Variants in NUP188 observed in about 807,000 individuals in gnomAD.
The protein encoded by NUP188 is nucleoporin 188.
NUP188 carries 97 observed loss-of-function variants against 223.0 expected under a neutral mutation model. The observed-to-expected ratio is 0.43, with a 90% CI of 0.37 to 0.51. NUP188 has a LOEUF of 0.51. NUP188 is among the 20% of genes least tolerant of loss of function. The pLI, the probability that NUP188 is intolerant of heterozygous loss-of-function variation, is 0.00. For missense variants in NUP188, 1,947 were observed against 2,175.6 expected, an observed-to-expected ratio of 0.89 and a Z score of 2.09; for synonymous variants, 869 against 828.0, an observed-to-expected ratio of 1.05 and a Z score of -0.85.
Position 128,987,569 on chromosome 9 carries a change from A to G in NUP188, c.2265-20A>G. 3 of 1,604,388 alleles carry G rather than the reference A, an allele frequency of 1.9e-6. No homozygotes were observed. The highest frequency in any genetic ancestry group is 2.6e-6 in the Non-Finnish European group (3 of 1,175,544). ...ACACTGAGTGGCTCCCTGGTAACTC[A>G]GAATACCTCTGTCTTCCAGTCATAC... On this transcript the variant is annotated intron_variant, in intron 22 of 43. Transcript: ENST00000372577.
At chr9:128,963,869 T>C (rs1278313190) in intron 8 of NUP188, among the ~76,000 whole-genome samples, 6 of 151,036 alleles carry the variant, frequency 4.0e-5, no homozygotes, top group Non-Finnish European at 7.4e-5. Context: ...CAGGGTGGAG[T>C]GCAGTGGCAC....
Position 128,970,886 on chromosome 9 carries a change from C to T in NUP188, c.1041C>T (p.Gly347=). 6.2e-7 allele frequency: 1 copy of T among 1,614,102 alleles called. No homozygotes were observed. The highest frequency in any genetic ancestry group is 8.5e-7 in the Non-Finnish European group (1 of 1,180,028). The change falls in exon 11 of 44, where the codon GGC becomes GGT. Residue 347 remains glycine, a synonymous_variant. Coordinates refer to ENST00000372577, the MANE Select transcript of NUP188 (RefSeq NM_015354.3). The part of the protein sequence containing the change: ...ETSSVVRKIG[G]TAIQLNVFQY... ...GCAGTGTGGTCCGGAAGATAGGTGG[C>T]ACAGCCATCCAGCTGAATGTGTTTC...
chr9:128,983,874 G>A (rs368298268), intron 19 of NUP188, among the ~76,000 whole-genome samples: 10 of 152,164 alleles, frequency 6.6e-5, no homozygotes, highest in African/African-American at 2.4e-4. Context: ...AGGCCAGAGT[G>A]CAGTGGCACG....
At chr9:128,993,722 T>C in intron 27 of NUP188, 28 bp downstream of exon 27, 1 of 1,606,154 alleles carries the variant, frequency 6.2e-7, no homozygotes, top group African/African-American at 1.3e-5. Context: ...AGTAGTTTCA[T>C]TGTTCTGGTC....
intron 11 of NUP188, among the ~76,000 whole-genome samples, chr9:128,972,224 T>C (rs561724772): frequency 6.6e-6 from 1 of 152,340 alleles, no homozygotes; most frequent in South Asian, 2.1e-4. Context: ...TAAGTATAAC[T>C]AAACTGTTGT....
chr9:128,982,866 G>A (rs1018101175), intron 16 of NUP188, 36 bp from the exon 17 acceptor site: 2 of 1,613,110 alleles, frequency 1.2e-6, no homozygotes, highest in African/African-American at 2.7e-5. Context: ...TAAAGGGGTT[G>A]TTTGCCGTGA....
intron 24 of NUP188, among the ~76,000 whole-genome samples, 190 bp from the exon 25 acceptor site, chr9:128,989,930 C>T (rs567886976): frequency 2.0e-5 from 3 of 152,228 alleles, no homozygotes; most frequent in Admixed American, 6.5e-5. Flanking sequence ...CTGTTTATCC[C>T]CAAATTCTGA....
At chr9:128,960,495 A>G (rs1841933094) in intron 8 of NUP188, among the ~76,000 whole-genome samples, 1 of 152,200 alleles carries the variant, frequency 6.6e-6, no homozygotes, top group Non-Finnish European at 1.5e-5. Flanking sequence ...TATTTAATAG[A>G]TGAAAAGGGC....
At chr9:128,955,010 C>G (rs1841849438) in intron 3 of NUP188, among the ~76,000 whole-genome samples, 1 of 152,008 alleles carries the variant, frequency 6.6e-6, no homozygotes, top group South Asian at 2.1e-4. Context: ...GCCACCATGC[C>G]TGGCTAATTT....
chr9:128,992,011 A>AT (rs1376169051), intron 25 of NUP188, among the ~76,000 whole-genome samples: 1 of 138,210 alleles, frequency 7.2e-6, no homozygotes, highest in East Asian at 2.2e-4. Flanking sequence ...GGGTTCAGCC[A>AT]TTCTCCTGCC....
intron 23 of NUP188, 137 bp downstream of exon 23, chr9:128,987,854 T>C (rs1220987058): frequency 8.0e-7 from 1 of 1,249,108 alleles, no homozygotes; most frequent in African/African-American, 1.5e-5. Context: ...TTACATACCC[T>C]AGTGGCTGCT....
chr9:128,956,455 G>T, intron 4 of NUP188, 21 bp downstream of exon 4: 1 of 1,354,720 alleles, frequency 7.4e-7, no homozygotes, highest in South Asian at 1.3e-5. Flanking sequence ...ATTAGCACTC[G>T]CTCAATTTAT....
At chr9:128,971,601 G>A (rs931473170) in intron 11 of NUP188, among the ~76,000 whole-genome samples, 4 of 151,720 alleles carry the variant, frequency 2.6e-5, no homozygotes, top group African/African-American at 9.7e-5. Context: ...TGTATTTTTA[G>A]TAGAGACGGG....
chr9:128,999,925 G>A (rs530485696), intron 34 of NUP188, 120 bp downstream of exon 34: 92 of 908,034 alleles, frequency 1.0e-4, no homozygotes, highest in Middle Eastern at 1.0e-3. Context: ...TTCACGGCCT[G>A]GTGGGAAAGG....
chr9:128,981,075 G>A (rs1842247086), intron 14 of NUP188, among the ~76,000 whole-genome samples, 189 bp from the exon 15 acceptor site: 1 of 152,178 alleles, frequency 6.6e-6, no homozygotes, highest in African/African-American at 2.4e-5. Context: ...CCCTTGTGGA[G>A]TGATGGGGAC....
In NUP188 at chr9:129,006,241, C is replaced by G; in HGVS notation, c.4946C>G (p.Ser1649Cys). ...TQAEGTRTLK[S>C]LLMFTMENCF... Reference sequence around the variant, plus strand: ...CAAAAACCTGTGTCTCCTCCCAGGTCCCTCCTGATGTTTACCATGGAAAAC... The same window carrying G: ...CAAAAACCTGTGTCTCCTCCCAGGTGCCTCCTGATGTTTACCATGGAAAAC... The change falls in exon 43 of 44, where the codon TCC (serine) becomes TGC (cysteine). Residue 1649 changes from serine to cysteine, a missense_variant and splice_region_variant. By Grantham distance (112) the Ser-to-Cys change is moderately radical. Around this residue, in one of 3 missense-constraint regions of NUP188, gnomAD observed 905 missense variants for 990.6 expected, o/e 0.91. Coordinates refer to ENST00000372577, the MANE Select transcript of NUP188 (RefSeq NM_015354.3). The G allele has an allele frequency of 6.2e-7, 1 of 1,614,148 alleles. No homozygotes were observed. The highest frequency in any genetic ancestry group is 8.5e-7 in the Non-Finnish European group (1 of 1,180,038).
chr9:128,976,075 G>C (rs938653059), intron 12 of NUP188, among the ~76,000 whole-genome samples: 1 of 152,112 alleles, frequency 6.6e-6, no homozygotes, highest in Admixed American at 6.6e-5. Flanking sequence ...TGCCTGCCTT[G>C]GCCTGTCAGA....
At chr9:128,998,336 G>A in intron 31 of NUP188, 108 bp downstream of exon 31, 2 of 1,145,006 alleles carry the variant, frequency 1.7e-6, no homozygotes, top group South Asian at 2.5e-5. Context: ...TCAGGTCACA[G>A]GGCTCACGTT....
At chr9:128,983,061 A>C (rs1842279711) in intron 17 of NUP188, 33 bp downstream of exon 17, 1 of 1,611,712 alleles carries the variant, frequency 6.2e-7, no homozygotes, top group Middle Eastern at 1.7e-4. Flanking sequence ...TCAGCTGCCC[A>C]GTAGAGATCT....
Sources: gnomAD v4.1 joint callset for allele counts (sites outside exome capture counted in the v4.1 genomes callset) on GRCh38, gnomAD v4.1.1 for gene constraint, gnomAD v4.1.1 regional missense constraint, MANE v1.5 for transcripts, NCBI Gene and HGNC (gene_info 2026-07-23, HGNC 2026-07-21) for gene names.